The following RPS6KC1 variants were observed in gnomAD, a reference collection of about 807,000 sequenced individuals.
The protein encoded by RPS6KC1 is inactive ribosomal protein S6 kinase delta-1.
Under a neutral mutation model 103.8 loss-of-function variants are expected in RPS6KC1, and 54 were observed. The observed-to-expected ratio is 0.52, with a 90% CI of 0.42 to 0.65. The LOEUF (loss-of-function observed/expected upper bound fraction) is 0.65, where lower values mean the gene tolerates loss of function less well. Among genes scored for constraint, RPS6KC1 ranks in the 30% least tolerant of loss-of-function variants. The pLI is 0.00. For missense variants in RPS6KC1, 1,151 were observed against 1,253.8 expected, an observed-to-expected ratio of 0.92 and a Z score of 1.24; for synonymous variants, 439 against 438.7, an observed-to-expected ratio of 1.00 and a Z score of -0.01.
chr1:213,561,043 A>T, the RPS6KC1 span, among the ~76,000 whole-genome samples: 4 of 152,316 alleles, frequency 2.6e-5, no homozygotes, highest in East Asian at 7.7e-4. Context: ...TTTCCTTGAG[A>T]TTTATAAGCT....
chr1:213,069,361 C>T (rs1367388362), intron 1 of RPS6KC1, among the ~76,000 whole-genome samples: 2 of 152,156 alleles, frequency 1.3e-5, no homozygotes, highest in Non-Finnish European at 2.9e-5. Context: ...CAATGGTTAA[C>T]CTGTCTGGTA....
chr1:213,202,346 C>T (rs1252667545), intron 8 of RPS6KC1, among the ~76,000 whole-genome samples: 2 of 151,750 alleles, frequency 1.3e-5, no homozygotes, highest in Admixed American at 6.6e-5. Flanking sequence ...CGTGGTGGCT[C>T]ATTCCTGTAA....
At chr1:213,408,545 G>A in the RPS6KC1 span, among the ~76,000 whole-genome samples, 7 of 152,286 alleles carry the variant, frequency 4.6e-5, 1 homozygote, top group African/African-American at 1.4e-4. Context: ...ACTTTAAGCC[G>A]AAACTGAGGT....
At position 213,240,946 on chromosome 1, in the gene RPS6KC1, C is replaced by T. The variant is rs771982137; in HGVS notation, c.1470C>T (p.Gly490=). The T allele has an allele frequency of 5.6e-6, 9 of 1,613,730 alleles. No homozygotes were observed. The highest frequency in any genetic ancestry group is 7.6e-6 in the Non-Finnish European group (9 of 1,179,916). ...ATGACAGCAACCAGGAAGATGATGG[C>T]CAAGATAGCTCTCCAAAGTGGCCAG... ...SQDDSNQEDD[G]QDSSPKWPDS... is the part of the protein sequence containing the mutation. The change falls in exon 11 of 15, where the codon GGC becomes GGT. Residue 490 remains glycine, a synonymous_variant. Transcript: ENST00000366960.
the RPS6KC1 span, among the ~76,000 whole-genome samples, chr1:213,355,598 T>TA: frequency 6.6e-6 from 1 of 152,198 alleles, no homozygotes; most frequent in Non-Finnish European, 1.5e-5. Context: ...ACTGTATTTT[T>TA]AAAAAAATTA....
chr1:213,785,375 G>C, the RPS6KC1 span, among the ~76,000 whole-genome samples: 1 of 151,872 alleles, frequency 6.6e-6, no homozygotes, highest in Non-Finnish European at 1.5e-5. Flanking sequence ...GATGTCCGTG[G>C]ATCTGTTCTT....
the RPS6KC1 span, among the ~76,000 whole-genome samples, chr1:213,362,532 T>G: frequency 6.6e-6 from 1 of 152,166 alleles, no homozygotes; most frequent in Admixed American, 6.5e-5. Flanking sequence ...GTCCCAGGAA[T>G]TTTGGCTCAA....
chr1:213,694,647 C>T, the RPS6KC1 span, among the ~76,000 whole-genome samples: 7 of 152,152 alleles, frequency 4.6e-5, no homozygotes, highest in East Asian at 1.9e-4. Flanking sequence ...CACCCAGTCC[C>T]GGTGCAAATT....
chr1:213,254,111 A>G (rs2094592241), intron 12 of RPS6KC1, among the ~76,000 whole-genome samples: 1 of 152,120 alleles, frequency 6.6e-6, no homozygotes, highest in South Asian at 2.1e-4. Context: ...AGCACATTTT[A>G]TGTTTTGATA....
chr1:213,756,729 A>T, the RPS6KC1 span, among the ~76,000 whole-genome samples: 1 of 151,674 alleles, frequency 6.6e-6, no homozygotes, highest in African/African-American at 2.4e-5. Context: ...CGATCCTCTC[A>T]CCTCACCCTC....
intron 8 of RPS6KC1, among the ~76,000 whole-genome samples, chr1:213,227,470 C>T (rs1229045243): frequency 1.3e-5 from 2 of 152,208 alleles, no homozygotes. Flanking sequence ...TTCTATAGGT[C>T]AGAAGTCTGA....
At chr1:213,835,574 A>T in the RPS6KC1 span, among the ~76,000 whole-genome samples, 1 of 152,168 alleles carries the variant, frequency 6.6e-6, no homozygotes, top group African/African-American at 2.4e-5. Context: ...TCCCTCAAGA[A>T]ATGCAGGAGA....
At chr1:213,854,175 A>G in the RPS6KC1 span, among the ~76,000 whole-genome samples, 1 of 152,218 alleles carries the variant, frequency 6.6e-6, no homozygotes, top group Admixed American at 6.5e-5. Context: ...CAAATAGAAT[A>G]TGATAATTCA....
chr1:213,753,382 A>G, the RPS6KC1 span, among the ~76,000 whole-genome samples: 1 of 152,268 alleles, frequency 6.6e-6, no homozygotes, highest in South Asian at 2.1e-4. Flanking sequence ...AGTAGCAAGG[A>G]TATCTACTTG....
chr1:213,381,804 C>T, the RPS6KC1 span, among the ~76,000 whole-genome samples: 4 of 152,218 alleles, frequency 2.6e-5, no homozygotes, highest in Non-Finnish European at 4.4e-5. Context: ...CTCTAGCAAC[C>T]GATAGCACCA....
intron 8 of RPS6KC1, among the ~76,000 whole-genome samples, chr1:213,220,080 A>G (rs1193040886): frequency 6.6e-6 from 1 of 152,214 alleles, no homozygotes; most frequent in Non-Finnish European, 1.5e-5. Flanking sequence ...CAGATGGGAT[A>G]TATACACACA....
chr1:213,319,074 G>A, the RPS6KC1 span, among the ~76,000 whole-genome samples: 2 of 152,226 alleles, frequency 1.3e-5, no homozygotes, highest in African/African-American at 4.8e-5. Flanking sequence ...GGGAGGCCAA[G>A]GTGGGTGGAT....
chr1:213,417,822 G>C, the RPS6KC1 span, among the ~76,000 whole-genome samples: 1 of 152,140 alleles, frequency 6.6e-6, no homozygotes, highest in Non-Finnish European at 1.5e-5. Context: ...AGGTGAGTTG[G>C]GTCTTGGCTG....
chr1:213,162,294 T>C (rs1187587734), intron 6 of RPS6KC1, among the ~76,000 whole-genome samples: 1 of 152,178 alleles, frequency 6.6e-6, no homozygotes, highest in East Asian at 1.9e-4. Flanking sequence ...GCCATTTTTA[T>C]TGCCTGGCCA....
Sources: allele counts gnomAD v4.1 joint callset (sites outside exome capture counted in the v4.1 genomes callset), GRCh38; gene constraint gnomAD v4.1.1; transcripts MANE v1.5; gene names NCBI Gene and HGNC (gene_info 2026-07-23, HGNC 2026-07-21).